Variants in JADE1 observed in about 807,000 individuals in gnomAD.
The protein encoded by JADE1 is jade family PHD finger 1, also known as protein Jade-1.
A neutral mutation model predicts 81.8 loss-of-function variants in JADE1; 14 were observed. That is an observed-to-expected ratio of 0.17 (90% CI 0.11 to 0.27). The LOEUF (loss-of-function observed/expected upper bound fraction) is 0.27. Among genes scored for constraint, JADE1 ranks in the 10% least tolerant of loss-of-function variants. The pLI is 1.00. For missense variants in JADE1, 690 were observed against 1,047.9 expected, an observed-to-expected ratio of 0.66 and a Z score of 4.71; for synonymous variants, 353 against 391.9, an observed-to-expected ratio of 0.90 and a Z score of 1.17.
intron 1 of JADE1, among the ~76,000 whole-genome samples, chr4:128,822,550 G>GA (rs34985454): frequency 3.4e-3 from 485 of 144,112 alleles, no homozygotes; most frequent in East Asian, 0.015. Flanking sequence ...CGTCTCTAGT[G>GA]AAAAAAAAAA....
chr4:128,822,540 C>T (rs948967706), intron 1 of JADE1, among the ~76,000 whole-genome samples: 17 of 149,278 alleles, frequency 1.1e-4, no homozygotes, highest in Non-Finnish European at 2.2e-4. Flanking sequence ...GGAGAAACCC[C>T]GTCTCTAGTG....
intron 2 of JADE1, among the ~76,000 whole-genome samples, chr4:128,832,892 CAG>C (rs1430048978): frequency 5.3e-5 from 8 of 152,332 alleles, no homozygotes; most frequent in African/African-American, 1.9e-4. Flanking sequence ...ATATGAAAAA[CAG>C]AACTCAATGT....
intron 6 of JADE1, among the ~76,000 whole-genome samples, chr4:128,855,407 T>C (rs1321501288): frequency 6.6e-6 from 1 of 152,196 alleles, no homozygotes; most frequent in Admixed American, 6.5e-5. Context: ...TCAGCAGAGC[T>C]CACCTCTATT....
At chr4:128,812,468 A>G (rs1726542703) in intron 1 of JADE1, among the ~76,000 whole-genome samples, 1 of 151,900 alleles carries the variant, frequency 6.6e-6, no homozygotes, top group African/African-American at 2.4e-5. Context: ...TGGGATCCTT[A>G]GCCTTCTCAC....
rs1732302088 is a variant in JADE1 at position 128,872,971 on chromosome 4, A to G, written c.*709A>G. 2.2e-6 allele frequency: 1 copy of G among 451,786 alleles called. No individual in the cohort carries two copies. Among genetic ancestry groups the G allele is most frequent in the Non-Finnish European group, 4.5e-6 (1 of 224,084 alleles). 28.0% of individuals were successfully genotyped at this position (451,786 alleles called of 1,614,324 possible). ...GGTTGTGGATATGGGACTGGTGGAG[A>G]GTGAGACTGTTAGGAAAGTTGTATC... On this transcript the variant is annotated 3_prime_UTR_variant, in exon 11 of 11. Transcript: ENST00000226319.
rs10021197 is a variant in JADE1, at chr4:128,862,913, T to C, written c.1503+688T>C. 3.6e-3 allele frequency: 3,541 copies of C among 983,428 alleles called. 106 individuals carry two copies. In the African/African-American group the frequency reaches 0.056, roughly 16 times the overall value. 60.9% of individuals were successfully genotyped at this position (983,428 alleles called of 1,614,324 possible). On this transcript the variant is annotated intron_variant, in intron 9 of 10. Coordinates refer to ENST00000226319, the MANE Select transcript of JADE1 (RefSeq NM_199320.4). ...CTGAGGCTGTGTGTGTGTGTGTGTG[T>C]GCGCGTGCCCGTGTCCATCCATGTC...
chr4:128,852,801 C>T (rs1232132911), intron 6 of JADE1, among the ~76,000 whole-genome samples: 1 of 152,140 alleles, frequency 6.6e-6, no homozygotes. Context: ...CAGGAGAGCC[C>T]TTCCTTGCCT....
Position 128,861,781 on chromosome 4 carries a change from A to G in JADE1, c.1059A>G (p.Leu353=), listed in dbSNP as rs376042716. The stretch of plus-strand genomic sequence containing the variant: ...GGGGCCTGGAGATGAAGACCATCTT[A>G]GCAGAGAATGATGAAGTCAAGTTCA... ...FDRGLEMKTI[L]AENDEVKFKS... Residue 353 remains leucine (L), a synonymous_variant, in exon 9 of 11, where the codon TTA becomes TTG. Coordinates refer to ENST00000226319, the MANE Select transcript of JADE1 (RefSeq NM_199320.4). 2.2e-5 allele frequency: 36 copies of G among 1,614,094 alleles called. 1 individual carries two copies. Among genetic ancestry groups the G allele is most frequent in the South Asian group, 9.9e-5 (9 of 91,092 alleles).
At chr4:128,829,562 T>C (rs1040965203) in intron 1 of JADE1, among the ~76,000 whole-genome samples, 8 of 152,188 alleles carry the variant, frequency 5.3e-5, no homozygotes, top group Admixed American at 5.2e-4. Context: ...TTCATCTACT[T>C]TTTTAGGTTC....
Position 128,872,402 on chromosome 4 carries a change from C to A in JADE1, c.*140C>A. 1 of 727,014 alleles carries A rather than the reference C, an allele frequency of 1.4e-6. No individual in the cohort carries two copies. Among genetic ancestry groups the A allele is most frequent in the South Asian group, 2.2e-5 (1 of 45,718 alleles). The allele number at this position is 727,014 out of a possible 1,614,324, so 45.0% of individuals were successfully genotyped here. On this transcript the variant is annotated 3_prime_UTR_variant, in exon 11 of 11. Coordinates refer to ENST00000226319, the MANE Select transcript of JADE1 (RefSeq NM_199320.4). ...ACTTGCAATTCAGATTAATTTTTTT[C>A]CAGAGTCATTTTTAAATCATTTTTG...
intron 1 of JADE1, among the ~76,000 whole-genome samples, chr4:128,826,784 C>T (rs1407775164): frequency 6.6e-6 from 1 of 152,168 alleles, no homozygotes; most frequent in Admixed American, 6.5e-5. Context: ...ACACATGAAA[C>T]ATTTAAGTCA....
intron 1 of JADE1, among the ~76,000 whole-genome samples, chr4:128,818,718 A>T (rs1727277082): frequency 6.6e-6 from 1 of 152,202 alleles, no homozygotes; most frequent in Non-Finnish European, 1.5e-5. Context: ...ATATTTATGG[A>T]TATAGAAATG....
intron 2 of JADE1, among the ~76,000 whole-genome samples, chr4:128,836,397 A>C: frequency 6.6e-6 from 1 of 152,174 alleles, no homozygotes; most frequent in South Asian, 2.1e-4. Flanking sequence ...GGAAATATAT[A>C]TGTATATATA....
At chr4:128,831,711 G>A (rs202148529) in intron 1 of JADE1, 22 bp from the exon 2 acceptor site, 4 of 1,610,274 alleles carry the variant, frequency 2.5e-6, no homozygotes, top group South Asian at 1.1e-5. Context: ...CTTGGGTTAA[G>A]TGCTGTCTCA....
chr4:128,824,158 C>T (rs1727830088), intron 1 of JADE1, among the ~76,000 whole-genome samples: 1 of 152,144 alleles, frequency 6.6e-6, no homozygotes, highest in Non-Finnish European at 1.5e-5. Context: ...GTGGCTCACG[C>T]CTGTAATCCC....
chr4:128,845,777 G>T (rs144162767), intron 3 of JADE1, among the ~76,000 whole-genome samples: 1,672 of 152,220 alleles, frequency 0.011, 21 homozygotes, highest in African/African-American at 0.037. Context: ...ACAAAAATTA[G>T]CTGGGCGTGG....
In JADE1 at chr4:128,874,663, G is replaced by A. The variant is rs1732441958; in HGVS notation, c.*2401G>A. The A allele has an allele frequency of 6.6e-6, 1 of 152,554 alleles. No individual in the cohort carries two copies. The highest frequency in any genetic ancestry group is 1.5e-5 in the Non-Finnish European group (1 of 68,016). The allele number at this position is 152,554 out of a possible 1,614,324, so 9.5% of individuals were successfully genotyped here. A position where few individuals can be genotyped will look rare whatever the true frequency, so the allele number is the denominator to read the frequency against. On this transcript the variant is annotated 3_prime_UTR_variant, in exon 11 of 11. Transcript: ENST00000226319. ...ATGTCATGCTGGGAACTCTCTATGA[G>A]GTGGCCATAAGCAGCAACCAGCCCA...
At chr4:128,839,970 C>T (rs540053617) in intron 2 of JADE1, among the ~76,000 whole-genome samples, 1 of 152,298 alleles carries the variant, frequency 6.6e-6, no homozygotes, top group Admixed American at 6.5e-5. Flanking sequence ...GCTTTTCCTT[C>T]TTCTGTATTG....
At chr4:128,845,238 T>C (rs888067792) in intron 3 of JADE1, among the ~76,000 whole-genome samples, 10 of 152,146 alleles carry the variant, frequency 6.6e-5, no homozygotes, top group Non-Finnish European at 1.2e-4. Context: ...CAAGGATGAA[T>C]GCCACAGGCC....
Sources: gnomAD v4.1 joint callset for allele counts (sites outside exome capture counted in the v4.1 genomes callset) on GRCh38, gnomAD v4.1.1 for gene constraint, MANE v1.5 for transcripts, NCBI Gene and HGNC (gene_info 2026-07-23, HGNC 2026-07-21) for gene names.